The following TNFSF4 variants were observed in gnomAD, a reference collection of about 807,000 sequenced individuals.
TNFSF4 encodes the protein TNF superfamily member 4.
In TNFSF4, 4 loss-of-function variants were observed where a neutral mutation model predicts 7.3. The ratio of observed to expected loss-of-function variants is 0.55; its 90% CI spans 0.27 to 1.25. The LOEUF is 1.25. Ranked by LOEUF, TNFSF4 falls within the 50% of genes most tolerant of loss-of-function variation. The pLI, the probability that TNFSF4 is intolerant of heterozygous loss-of-function variation, is 0.12. For synonymous variants in TNFSF4, 76 were observed against 83.7 expected, an observed-to-expected ratio of 0.91 and a Z score of 0.50; for missense variants, 181 against 208.8, an observed-to-expected ratio of 0.87 and a Z score of 0.82.
At chr1:173,449,541 A>C in the TNFSF4 span, among the ~76,000 whole-genome samples, 1 of 151,780 alleles carries the variant, frequency 6.6e-6, no homozygotes, top group Non-Finnish European at 1.5e-5. Context: ...TTTTGTAGAG[A>C]CGGGGTTTTG....
chr1:173,210,619 T>A (rs1029076773), upstream of TNFSF4, among the ~76,000 whole-genome samples: 1 of 152,154 alleles, frequency 6.6e-6, no homozygotes, highest in East Asian at 1.9e-4. Flanking sequence ...ATGGAGAGGT[T>A]TGAAGCAGAA....
chr1:173,261,292 GA>G, the TNFSF4 span, among the ~76,000 whole-genome samples: 1 of 152,128 alleles, frequency 6.6e-6, no homozygotes, highest in Non-Finnish European at 1.5e-5. Context: ...AGAACAAAGA[GA>G]AAATGTACCA....
chr1:173,226,817 T>A, the TNFSF4 span, among the ~76,000 whole-genome samples: 1 of 152,362 alleles, frequency 6.6e-6, no homozygotes, highest in Admixed American at 6.5e-5. Context: ...AATTTTACTT[T>A]CACTGAATTT....
the TNFSF4 span, among the ~76,000 whole-genome samples, chr1:173,262,836 A>G: frequency 6.6e-6 from 1 of 152,112 alleles, no homozygotes; most frequent in Admixed American, 6.6e-5. Flanking sequence ...TCCTGACCTC[A>G]TGATCCGCCC....
chr1:173,397,468 C>T, the TNFSF4 span, among the ~76,000 whole-genome samples: 453 of 152,228 alleles, frequency 3.0e-3, 2 homozygotes, highest in Non-Finnish European at 5.3e-3. Flanking sequence ...TCCAGGTGAC[C>T]CAAAATGTCA....
intron 1 of TNFSF4, among the ~76,000 whole-genome samples, chr1:173,198,052 A>T (rs1649781972): frequency 1.3e-5 from 2 of 152,192 alleles, no homozygotes; most frequent in African/African-American, 4.8e-5. Context: ...AAATTGGCCC[A>T]TTCATCCTTG....
At chr1:173,389,865 T>C in the TNFSF4 span, among the ~76,000 whole-genome samples, 2 of 152,204 alleles carry the variant, frequency 1.3e-5, no homozygotes, top group Non-Finnish European at 2.9e-5. Flanking sequence ...CAAATCTACC[T>C]AGCTTCTTCT....
At chr1:173,250,942 C>A in the TNFSF4 span, among the ~76,000 whole-genome samples, 1 of 152,236 alleles carries the variant, frequency 6.6e-6, no homozygotes, top group East Asian at 1.9e-4. Flanking sequence ...GGTGGCCTGA[C>A]AATGTTTCTC....
In TNFSF4 at chr1:173,186,510, A is replaced by G. The variant is rs762819881; in HGVS notation, c.*6T>C. On this transcript the variant is annotated 3_prime_UTR_variant, in exon 3 of 3. Transcript: ENST00000281834. ...GTGCCTGGTTTTAGATATTGCCATC[A>G]GCCCCTCAAAGGACACAGAATTCAC... 6.2e-6 allele frequency: 10 copies of G among 1,602,776 alleles called. No homozygotes were observed. The highest frequency in any genetic ancestry group is 7.7e-6 in the Non-Finnish European group (9 of 1,172,654).
At chr1:173,449,358 T>C in the TNFSF4 span, among the ~76,000 whole-genome samples, 1 of 151,778 alleles carries the variant, frequency 6.6e-6, no homozygotes, top group Admixed American at 6.6e-5. Flanking sequence ...TCTTTTTTTT[T>C]TTTTCTTGTG....
the TNFSF4 span, among the ~76,000 whole-genome samples, chr1:173,215,900 T>C: frequency 6.6e-6 from 1 of 152,180 alleles, no homozygotes; most frequent in Admixed American, 6.5e-5. Context: ...TTGCGATAAG[T>C]GTGGTCTGTG....
chr1:173,251,690 A>G, the TNFSF4 span, among the ~76,000 whole-genome samples: 1 of 152,236 alleles, frequency 6.6e-6, no homozygotes, highest in Non-Finnish European at 1.5e-5. Flanking sequence ...TCTATCCCAT[A>G]GAGGTATTCT....
At chr1:173,285,538 A>C in the TNFSF4 span, among the ~76,000 whole-genome samples, 1 of 152,198 alleles carries the variant, frequency 6.6e-6, no homozygotes, top group Non-Finnish European at 1.5e-5. Flanking sequence ...GAAGTTTTTC[A>C]TGAAAGGAAA....
At chr1:173,310,336 T>A in the TNFSF4 span, among the ~76,000 whole-genome samples, 1 of 151,992 alleles carries the variant, frequency 6.6e-6, no homozygotes, top group African/African-American at 2.4e-5. Flanking sequence ...TGTTTTGATA[T>A]GTAGTATTTT....
chr1:173,318,699 C>G, the TNFSF4 span, among the ~76,000 whole-genome samples: 1 of 152,122 alleles, frequency 6.6e-6, no homozygotes, highest in Non-Finnish European at 1.5e-5. Context: ...CTGTAAAAAC[C>G]TTTCAGAAAG....
chr1:173,289,244 G>GT, the TNFSF4 span, among the ~76,000 whole-genome samples: 1 of 150,822 alleles, frequency 6.6e-6, no homozygotes, highest in Non-Finnish European at 1.5e-5. Context: ...ATGGCATAAC[G>GT]TGAGGCCAAA....
the TNFSF4 span, chr1:173,440,458 C>T: frequency 6.6e-6 from 1 of 152,074 alleles, no homozygotes; most frequent in East Asian, 1.9e-4. Context: ...GAAAAAAAAA[C>T]CTACCCTCCT....
the TNFSF4 span, among the ~76,000 whole-genome samples, chr1:173,307,700 A>G: frequency 6.6e-6 from 1 of 151,908 alleles, no homozygotes; most frequent in Non-Finnish European, 1.5e-5. Context: ...ATGATATACT[A>G]ATATAAAACC....
At chr1:173,286,436 A>G in the TNFSF4 span, among the ~76,000 whole-genome samples, 1 of 152,200 alleles carries the variant, frequency 6.6e-6, no homozygotes, top group Non-Finnish European at 1.5e-5. Flanking sequence ...CTATTAAGCA[A>G]GAAATATACC....
Sources: gnomAD v4.1 joint callset for allele counts (sites outside exome capture counted in the v4.1 genomes callset) on GRCh38, gnomAD v4.1.1 for gene constraint, MANE v1.5 for transcripts, NCBI Gene and HGNC (gene_info 2026-07-23, HGNC 2026-07-21) for gene names.